CHMP2B: variants seen among roughly 807,000 people sequenced by gnomAD.
The protein encoded by CHMP2B is VPS2 homolog B.
A neutral mutation model predicts 29.8 loss-of-function variants in CHMP2B; 22 were observed. The ratio of observed to expected loss-of-function variants is 0.74; its 90% CI spans 0.53 to 1.05. The LOEUF (loss-of-function observed/expected upper bound fraction) is 1.05, where lower values mean the gene tolerates loss of function less well. CHMP2B is among the 50% of genes least tolerant of loss of function. The pLI is 0.00. For synonymous variants in CHMP2B, 78 were observed against 75.8 expected (o/e 1.03, Z -0.15); for missense variants, 261 against 252.2 (o/e 1.03, Z -0.24).
At chr3:87,253,653 G>A in intron 5 of CHMP2B, 59 bp from the exon 6 acceptor site, 1 of 1,460,918 alleles carries the variant, frequency 6.8e-7, no homozygotes, top group Non-Finnish European at 9.6e-7. Context: ...AGCACATCCT[G>A]TATGTCCTAG....
At chr3:87,253,558 G>T in intron 5 of CHMP2B, 48 bp downstream of exon 5, 1 of 1,407,640 alleles carries the variant, frequency 7.1e-7, no homozygotes, top group Non-Finnish European at 1.0e-6. Flanking sequence ...TGCCTACCAC[G>T]TTTGTCACTT....
In CHMP2B at chr3:87,254,583, C is replaced by T. The variant is rs1301695017; in HGVS notation, c.*761C>T. On this transcript the variant is annotated 3_prime_UTR_variant, in exon 6 of 6. Transcript: ENST00000263780. ...AATATGTACTCTTATTTTAGACACG[C>T]CTCTGTTAAAACAGACCAGGTTTTC... The T allele has an allele frequency of 6.6e-6, 1 of 151,882 alleles. No homozygotes were observed. Among genetic ancestry groups the T allele is most frequent in the African/African-American group, 2.4e-5 (1 of 41,194 alleles). The allele number at this position is 151,882 out of a possible 1,614,324, so 9.4% of individuals were successfully genotyped here. A position where few individuals can be genotyped will look rare whatever the true frequency, so the allele number is the denominator to read the frequency against.
intron 4 of CHMP2B, among the ~76,000 whole-genome samples, chr3:87,251,538 G>A: frequency 6.6e-6 from 1 of 151,974 alleles, no homozygotes; most frequent in East Asian, 1.9e-4. Context: ...ATAATTTAAT[G>A]CATAGCAAGT....
intron 1 of CHMP2B, among the ~76,000 whole-genome samples, chr3:87,231,352 C>T (rs1200009958): frequency 5.9e-5 from 9 of 152,128 alleles, no homozygotes; most frequent in South Asian, 4.1e-4. Context: ...ATGCTTCTTT[C>T]GCTTCTTAAA....
At chr3:87,231,811 G>T (rs115957338) in intron 1 of CHMP2B, among the ~76,000 whole-genome samples, 1 of 151,890 alleles carries the variant, frequency 6.6e-6, no homozygotes, top group African/African-American at 2.4e-5. Flanking sequence ...AACTATCCTA[G>T]GTTTATTTCT....
intron 1 of CHMP2B, among the ~76,000 whole-genome samples, chr3:87,232,293 G>A (rs1299009312): frequency 6.6e-6 from 1 of 152,106 alleles, no homozygotes; most frequent in African/African-American, 2.4e-5. Context: ...TGTATTAGTT[G>A]TGATGCCACA....
At chr3:87,229,972 A>C (rs1362463220) in intron 1 of CHMP2B, among the ~76,000 whole-genome samples, 1 of 152,206 alleles carries the variant, frequency 6.6e-6, no homozygotes, top group East Asian at 1.9e-4. Flanking sequence ...AATTAATGAG[A>C]GGTATACCTC....
intron 1 of CHMP2B, among the ~76,000 whole-genome samples, chr3:87,235,764 A>G (rs909892805): frequency 2.0e-5 from 3 of 152,204 alleles, no homozygotes; most frequent in African/African-American, 7.2e-5. Context: ...GACGGTAATT[A>G]TCTAGAGTTA....
intron 1 of CHMP2B, chr3:87,240,428 A>C (rs1440183880): frequency 1.2e-5 from 4 of 327,914 alleles, no homozygotes; most frequent in Non-Finnish European, 2.4e-5. Context: ...CTTCTACCTC[A>C]GCCTACCGAG....
Position 87,253,994 on chromosome 3 carries a change from A to G in CHMP2B, c.*172A>G. The G allele has an allele frequency of 3.6e-6, 2 of 557,518 alleles. No individual in the cohort carries two copies. The highest frequency in any genetic ancestry group is 3.2e-5 in the East Asian group (1 of 31,684). 34.5% of individuals were successfully genotyped at this position (557,518 alleles called of 1,614,324 possible). A position where few individuals can be genotyped will look rare whatever the true frequency, so the allele number is the denominator to read the frequency against. ...ATTTAGAATCTTTTGCCAAAGAATG[A>G]CAATGATGCAAAAATGGGAACAGTT... On this transcript the variant is annotated 3_prime_UTR_variant, in exon 6 of 6. Transcript: ENST00000263780.
At position 87,254,079 on chromosome 3, in the gene CHMP2B, C is replaced by T; in HGVS notation, c.*257C>T. 2.7e-6 allele frequency: 1 copy of T among 374,386 alleles called. No individual in the cohort carries two copies. The highest frequency in any genetic ancestry group is 5.0e-6 in the Non-Finnish European group (1 of 199,756). 23.2% of individuals were successfully genotyped at this position (374,386 alleles called of 1,614,324 possible). A position where few individuals can be genotyped will look rare whatever the true frequency, so the allele number is the denominator to read the frequency against. ...GTGTAAAAAGTTGACTTCTCTTTTGCATGGCACAGAGAAATTATATTCCTT... is the reference window on the plus strand; with the variant it reads ...GTGTAAAAAGTTGACTTCTCTTTTGTATGGCACAGAGAAATTATATTCCTT... On this transcript the variant is annotated 3_prime_UTR_variant, in exon 6 of 6. Transcript: ENST00000263780.
At chr3:87,247,738 C>T (rs1322039163) in intron 3 of CHMP2B, among the ~76,000 whole-genome samples, 8 of 152,132 alleles carry the variant, frequency 5.3e-5, no homozygotes, top group Admixed American at 1.3e-4. Context: ...CAGCAGAGCA[C>T]ATGAAAGTCG....
chr3:87,254,604 T>A lies in CHMP2B; in HGVS notation c.*782T>A, dbSNP rs1347523858. 1 of 152,054 alleles carries A rather than the reference T, an allele frequency of 6.6e-6. No homozygotes were observed. The highest frequency in any genetic ancestry group is 1.5e-5 in the Non-Finnish European group (1 of 67,868). 9.4% of individuals were successfully genotyped at this position (152,054 alleles called of 1,614,324 possible). A position where few individuals can be genotyped will look rare whatever the true frequency, so the allele number is the denominator to read the frequency against. On this transcript the variant is annotated 3_prime_UTR_variant, in exon 6 of 6. Coordinates refer to ENST00000263780, the MANE Select transcript of CHMP2B (RefSeq NM_014043.4). Reference sequence around the variant, plus strand: ...CACGCCTCTGTTAAAACAGACCAGGTTTTCCTGGTCTCAGACCTATGATGA... The same window carrying A: ...CACGCCTCTGTTAAAACAGACCAGGATTTCCTGGTCTCAGACCTATGATGA...
intron 4 of CHMP2B, chr3:87,253,095 T>C (rs1706345137): frequency 3.6e-6 from 1 of 277,970 alleles, no homozygotes; most frequent in Non-Finnish European, 7.0e-6. Flanking sequence ...TGTGAAATAA[T>C]ATTTAAAAAT....
intron 1 of CHMP2B, 128 bp from the exon 2 acceptor site, chr3:87,240,571 A>G (rs2106901847): frequency 2.9e-6 from 2 of 688,748 alleles, no homozygotes; most frequent in Non-Finnish European, 5.3e-6. Context: ...TGCTGCGATT[A>G]CAGGCATGAG....
rs1706356833 is a variant in CHMP2B, at chr3:87,253,832, G to C, written c.*10G>C. On this transcript the variant is annotated 3_prime_UTR_variant, in exon 6 of 6. Transcript: ENST00000263780. ...TTTAGGAGTAGATTAGTCAAAAGAA[G>C]TCATACTATTTTGCTTACTTATAAT... 6 of 1,583,862 alleles carry C rather than the reference G, an allele frequency of 3.8e-6. 1 individual carries two copies. In the South Asian group the frequency reaches 5.5e-5, roughly 15 times the overall value.
At position 87,255,291 on chromosome 3, in the gene CHMP2B, A is replaced by G. The variant is rs994912704; in HGVS notation, c.*1469A>G. 1 of 152,500 alleles carries G rather than the reference A, an allele frequency of 6.6e-6. No individual in the cohort carries two copies. Among genetic ancestry groups the G allele is most frequent in the Non-Finnish European group, 1.5e-5 (1 of 67,952 alleles). The allele number at this position is 152,500 out of a possible 1,614,324, so 9.4% of individuals were successfully genotyped here. On this transcript the variant is annotated 3_prime_UTR_variant, in exon 6 of 6. Coordinates refer to ENST00000263780, the MANE Select transcript of CHMP2B (RefSeq NM_014043.4). ...AAGATTAGGTTTTGTTATTGATAGT[A>G]TTAAATACACAGTTTCTCTTAACAG...
intron 1 of CHMP2B, among the ~76,000 whole-genome samples, chr3:87,235,820 T>A (rs1705997030): frequency 6.6e-6 from 1 of 152,218 alleles, no homozygotes; most frequent in Non-Finnish European, 1.5e-5. Context: ...ACTGCCCTAC[T>A]TCAGATGCCA....
intron 4 of CHMP2B, 112 bp from the exon 5 acceptor site, chr3:87,253,292 T>C: frequency 1.4e-6 from 1 of 708,360 alleles, no homozygotes; most frequent in Admixed American, 2.1e-5. Context: ...GTTTGTTCAC[T>C]GAGTTTGCCT....
Sources: gnomAD v4.1 joint callset for allele counts (sites outside exome capture counted in the v4.1 genomes callset) on GRCh38, gnomAD v4.1.1 for gene constraint, MANE v1.5 for transcripts, NCBI Gene and HGNC (gene_info 2026-07-23, HGNC 2026-07-21) for gene names.